ZDHHC21: variants seen among roughly 807,000 people sequenced by gnomAD.
The protein encoded by ZDHHC21 is palmitoyltransferase ZDHHC21.
In ZDHHC21, 15 loss-of-function variants were observed where a neutral mutation model predicts 34.6. That is an observed-to-expected ratio of 0.43 (90% confidence interval 0.29 to 0.67). The LOEUF (loss-of-function observed/expected upper bound fraction) is 0.67. Among genes scored for constraint, ZDHHC21 ranks in the 30% least tolerant of loss-of-function variants. ZDHHC21 has a pLI of 0.14. For synonymous variants in ZDHHC21, 142 were observed against 101.8 expected (o/e 1.40, Z -2.38); for missense variants, 344 against 327.7 (o/e 1.05, Z -0.38).
At chr9:14,663,971 T>G (rs546313860) in intron 5 of ZDHHC21, among the ~76,000 whole-genome samples, 122 of 152,244 alleles carry the variant, frequency 8.0e-4, no homozygotes, top group African/African-American at 2.7e-3. Flanking sequence ...CTCCCAAACA[T>G]CCCAGTGTTA....
intron 6 of ZDHHC21, among the ~76,000 whole-genome samples, chr9:14,660,401 T>C (rs1476892995): frequency 8.0e-6 from 1 of 125,556 alleles, no homozygotes; most frequent in Non-Finnish European, 1.7e-5. Flanking sequence ...AAAAGAATGA[T>C]CAGAGCCACA....
intron 5 of ZDHHC21, among the ~76,000 whole-genome samples, chr9:14,670,684 T>C (rs1255697672): frequency 6.6e-6 from 1 of 152,124 alleles, no homozygotes; most frequent in African/African-American, 2.4e-5. Flanking sequence ...CATGAAGATA[T>C]TACATAAGTA....
intron 7 of ZDHHC21, among the ~76,000 whole-genome samples, 196 bp from the exon 8 acceptor site, chr9:14,640,208 T>C (rs1452538292): frequency 2.7e-5 from 4 of 149,008 alleles, no homozygotes; most frequent in African/African-American, 7.4e-5. Context: ...TAATTTACAA[T>C]AGCAAGCTGG....
intron 8 of ZDHHC21, among the ~76,000 whole-genome samples, chr9:14,630,532 T>C (rs1025834445): frequency 2.6e-5 from 4 of 152,222 alleles, no homozygotes; most frequent in African/African-American, 7.2e-5. Context: ...TCCCCTCCCA[T>C]AAATCGCAAA....
At chr9:14,595,548 G>T in the ZDHHC21 span, among the ~76,000 whole-genome samples, 1 of 152,250 alleles carries the variant, frequency 6.6e-6, no homozygotes, top group South Asian at 2.1e-4. Context: ...TTTGGTGAAG[G>T]TTGTACAACT....
chr9:14,644,107 T>C (rs1232105283), intron 7 of ZDHHC21, among the ~76,000 whole-genome samples: 1 of 152,232 alleles, frequency 6.6e-6, no homozygotes, highest in African/African-American at 2.4e-5. Context: ...GGACTTGCAC[T>C]TTGTCAGATT....
chr9:14,595,236 A>G, the ZDHHC21 span, among the ~76,000 whole-genome samples: 12 of 152,366 alleles, frequency 7.9e-5, no homozygotes, highest in East Asian at 1.5e-3. Flanking sequence ...TACTCATAAT[A>G]GCCAAAAACT....
chr9:14,601,002 A>C, the ZDHHC21 span, among the ~76,000 whole-genome samples: 2 of 152,252 alleles, frequency 1.3e-5, no homozygotes, highest in African/African-American at 4.8e-5. Flanking sequence ...AAATTAACTC[A>C]AGATGGATTA....
chr9:14,593,609 T>C, the ZDHHC21 span: 4 of 152,260 alleles, frequency 2.6e-5, no homozygotes, highest in African/African-American at 9.7e-5. Context: ...AGGAAATGCG[T>C]TGACTACAAG....
chr9:14,598,587 C>T, the ZDHHC21 span, among the ~76,000 whole-genome samples: 2 of 151,970 alleles, frequency 1.3e-5, no homozygotes, highest in South Asian at 4.1e-4. Flanking sequence ...CAATGATTCT[C>T]CATCAAAAGA....
At chr9:14,641,798 T>A (rs1395111395) in intron 7 of ZDHHC21, among the ~76,000 whole-genome samples, 1 of 152,226 alleles carries the variant, frequency 6.6e-6, no homozygotes, top group African/African-American at 2.4e-5. Flanking sequence ...TCATAGTATT[T>A]ATGTATTTCT....
intron 8 of ZDHHC21, among the ~76,000 whole-genome samples, chr9:14,633,228 C>A (rs1293550106): frequency 6.6e-6 from 1 of 152,086 alleles, no homozygotes; most frequent in Non-Finnish European, 1.5e-5. Flanking sequence ...TGGAAATCAA[C>A]AGAGAAGTGA....
chr9:14,681,422 G>C (rs1837351955), intron 2 of ZDHHC21, among the ~76,000 whole-genome samples: 1 of 152,064 alleles, frequency 6.6e-6, no homozygotes, highest in Admixed American at 6.6e-5. Context: ...GCTGGTCATA[G>C]CCTACTAAAC....
At chr9:14,622,658 G>A (rs902007634) in intron 8 of ZDHHC21, 2 of 985,052 alleles carry the variant, frequency 2.0e-6, no homozygotes, top group African/African-American at 3.5e-5. Context: ...TGTCATACAG[G>A]AGAAAGAATG....
At chr9:14,600,060 G>A in the ZDHHC21 span, among the ~76,000 whole-genome samples, 1 of 152,270 alleles carries the variant, frequency 6.6e-6, no homozygotes, top group Non-Finnish European at 1.5e-5. Context: ...TGCTGAATGG[G>A]CAAAAGCTGG....
At chr9:14,595,892 T>G in the ZDHHC21 span, among the ~76,000 whole-genome samples, 1 of 152,140 alleles carries the variant, frequency 6.6e-6, no homozygotes, top group African/African-American at 2.4e-5. Flanking sequence ...CCAGATACAC[T>G]AGAGTGGCTA....
the ZDHHC21 span, chr9:14,589,556 T>C: frequency 6.6e-6 from 1 of 152,040 alleles, no homozygotes; most frequent in East Asian, 1.9e-4. Flanking sequence ...TCAGAAATCT[T>C]CATGAGATCT....
Position 14,672,881 on chromosome 9 carries a change from A to C in ZDHHC21, c.202T>G (p.Ser68Ala). 2 of 1,608,652 alleles carry C rather than the reference A, an allele frequency of 1.2e-6. No homozygotes were observed. The highest frequency in any genetic ancestry group is 1.1e-5 in the South Asian group (1 of 90,216). The change falls in exon 5 of 10, where the codon TCC (serine) becomes GCC (alanine). Residue 68 changes from serine (S) to alanine (A), a missense_variant. By Grantham distance (99) the Ser-to-Ala change is moderately conservative. Transcript: ENST00000380916. Reference sequence around the variant, plus strand: ...GGGAGTCTTCCTGGATCAGTTATGGAGGCCCTCACTAAGGCAACCAGACAG... The same window carrying C: ...GGGAGTCTTCCTGGATCAGTTATGGCGGCCCTCACTAAGGCAACCAGACAG... ...IFCLVALVRA[S>A]ITDPGRLPEN...
Position 14,618,726 on chromosome 9 carries a change from A to G in ZDHHC21, c.*240T>C. ...TTGAGTTTAATAACAAAAGCATTTC[A>G]AGAAATCCCTGTGGAAAGCTAATTT... is the stretch of plus-strand genomic sequence containing the variant. On this transcript the variant is annotated 3_prime_UTR_variant, in exon 10 of 10. Coordinates refer to ENST00000380916, the MANE Select transcript of ZDHHC21 (RefSeq NM_178566.6). 2.8e-6 allele frequency: 1 copy of G among 356,918 alleles called. No individual in the cohort carries two copies. The allele number at this position is 356,918 out of a possible 1,614,324, so 22.1% of individuals were successfully genotyped here.
Sources: gnomAD v4.1 joint callset for allele counts (sites outside exome capture counted in the v4.1 genomes callset) on GRCh38, gnomAD v4.1.1 for gene constraint, MANE v1.5 for transcripts, NCBI Gene and HGNC (gene_info 2026-07-23, HGNC 2026-07-21) for gene names.